Variants in MDGA2 observed in about 807,000 individuals in gnomAD.
MDGA2 encodes the protein MAM domain containing glycosylphosphatidylinositol anchor 2.
In MDGA2, 40 loss-of-function variants were observed where a neutral mutation model predicts 117.8. That is an observed-to-expected ratio of 0.34 (90% CI 0.26 to 0.44). MDGA2 has a LOEUF of 0.44. Ranked by LOEUF, MDGA2 falls within the 20% of genes least tolerant of loss-of-function variation. MDGA2 has a pLI of 1.00. For missense variants in MDGA2, 1,123 were observed against 1,250.6 expected, an observed-to-expected ratio of 0.90 and a Z score of 1.54; for synonymous variants, 452 against 439.0, an observed-to-expected ratio of 1.03 and a Z score of -0.37.
chr14:47,470,083 GT>G (rs201873208), intron 1 of MDGA2, among the ~76,000 whole-genome samples: 30 of 149,098 alleles, frequency 2.0e-4, no homozygotes, highest in African/African-American at 4.7e-4. Context: ...GTGGGATAGG[GT>G]TTTTTTTTCA....
chr14:47,059,528 A>G (rs554088486), intron 7 of MDGA2: 1 of 355,224 alleles, frequency 2.8e-6, no homozygotes, highest in South Asian at 2.2e-5. Context: ...CATATATAAC[A>G]CATAGTTTCA....
Position 46,852,008 on chromosome 14 carries a change from C to T in MDGA2, c.2883+3016G>A, listed in dbSNP as rs376607454. On this transcript the variant is annotated intron_variant, in intron 15 of 16. Transcript: ENST00000399232. The stretch of plus-strand genomic sequence containing the variant: ...CATGGGATTGTTTAGTTGTGTTTCA[C>T]GTTTCCTTGAACAATCAAGATTAAT... Among the ~76,000 whole-genome samples the T allele has an allele frequency of 1.3e-3, 195 of 151,668 alleles. 3 individuals are homozygous for T. Among genetic ancestry groups the T allele is most frequent in the African/African-American group, 4.5e-3 (187 of 41,454 alleles).
chr14:47,080,657 T>A (rs537287682), intron 6 of MDGA2, among the ~76,000 whole-genome samples: 4 of 152,300 alleles, frequency 2.6e-5, no homozygotes, highest in African/African-American at 9.6e-5. Flanking sequence ...CAGCATTAAG[T>A]ATAAATGCCC....
At chr14:46,934,414 T>C (rs1162660408) in intron 9 of MDGA2, among the ~76,000 whole-genome samples, 8 of 152,230 alleles carry the variant, frequency 5.3e-5, no homozygotes, top group African/African-American at 1.7e-4. Flanking sequence ...AAATATTAAC[T>C]TAGTTCAGTC....
At chr14:47,335,747 T>TATATATATATATACAA (rs1055245438) in intron 1 of MDGA2, among the ~76,000 whole-genome samples, 1 of 68,644 alleles carries the variant, frequency 1.5e-5, no homozygotes, top group Non-Finnish European at 3.4e-5. Context: ...TATATATATA[T>TATATATATATATACAA]ACATACATAC....
intron 1 of MDGA2, among the ~76,000 whole-genome samples, chr14:47,480,341 T>A (rs544273506): frequency 2.4e-4 from 36 of 152,148 alleles, no homozygotes; most frequent in African/African-American, 8.4e-4. Context: ...TATTTTAATA[T>A]GCCAAGGAAA....
chr14:47,348,165 A>ATG (rs1482857980), intron 1 of MDGA2, among the ~76,000 whole-genome samples: 1 of 45,712 alleles, frequency 2.2e-5, no homozygotes, highest in Non-Finnish European at 4.8e-5. Flanking sequence ...CTCTCTCTGT[A>ATG]TATGTGTGTG....
At chr14:47,285,329 T>C (rs1888635078) in intron 2 of MDGA2, among the ~76,000 whole-genome samples, 1 of 151,046 alleles carries the variant, frequency 6.6e-6, no homozygotes, top group Non-Finnish European at 1.5e-5. Context: ...TCTACTAAAT[T>C]GATTTTTTTT....
At chr14:47,322,171 C>T (rs1346355864) in intron 1 of MDGA2, among the ~76,000 whole-genome samples, 3 of 152,130 alleles carry the variant, frequency 2.0e-5, no homozygotes, top group African/African-American at 7.2e-5. Context: ...AGTGGAGAAA[C>T]AGACTAACAG....
intron 6 of MDGA2, among the ~76,000 whole-genome samples, chr14:47,068,241 C>A (rs949471388): frequency 2.3e-4 from 35 of 151,802 alleles, no homozygotes; most frequent in African/African-American, 8.5e-4. Context: ...AGCAGGTAAG[C>A]ATTTTGGGTA....
At chr14:47,376,419 A>G (rs1392389700) in intron 1 of MDGA2, among the ~76,000 whole-genome samples, 3 of 152,168 alleles carry the variant, frequency 2.0e-5, no homozygotes, top group Admixed American at 6.5e-5. Flanking sequence ...TAATCCAACT[A>G]TTATTGGTCA....
At chr14:47,555,161 A>C (rs570099864) in intron 1 of MDGA2, among the ~76,000 whole-genome samples, 1 of 152,316 alleles carries the variant, frequency 6.6e-6, no homozygotes, top group African/African-American at 2.4e-5. Context: ...TGGCTTTCTT[A>C]GTCAAGTTGA....
intron 1 of MDGA2, among the ~76,000 whole-genome samples, chr14:47,323,080 C>A (rs1193235721): frequency 6.9e-6 from 1 of 145,164 alleles, no homozygotes; most frequent in Non-Finnish European, 1.5e-5. Flanking sequence ...ATTTTAAAGA[C>A]TAACCACCCA....
chr14:47,115,197 G>A (rs1881260398), intron 5 of MDGA2, among the ~76,000 whole-genome samples: 1 of 152,002 alleles, frequency 6.6e-6, no homozygotes, highest in Non-Finnish European at 1.5e-5. Context: ...TTTAATTCCA[G>A]AAGTAATTTT....
At chr14:46,922,078 G>GT (rs796672372) in intron 9 of MDGA2, among the ~76,000 whole-genome samples, 183 of 151,730 alleles carry the variant, frequency 1.2e-3, no homozygotes, top group East Asian at 4.1e-3. Context: ...ACAACTAGGG[G>GT]TTTTTTTTAG....
intron 3 of MDGA2, among the ~76,000 whole-genome samples, chr14:47,181,087 T>C (rs1414370437): frequency 2.0e-5 from 3 of 152,178 alleles, no homozygotes; most frequent in African/African-American, 7.2e-5. Context: ...AAAATATTTA[T>C]TTTACTTTAA....
At chr14:47,048,871 C>T (rs1028633624) in intron 7 of MDGA2, among the ~76,000 whole-genome samples, 10 of 152,030 alleles carry the variant, frequency 6.6e-5, no homozygotes, top group African/African-American at 2.4e-4. Context: ...TTCTACAAAC[C>T]ATTCTGCTAG....
At chr14:47,009,757 T>C (rs1177785849) in intron 8 of MDGA2, among the ~76,000 whole-genome samples, 1 of 152,028 alleles carries the variant, frequency 6.6e-6, no homozygotes, top group Non-Finnish European at 1.5e-5. Flanking sequence ...TTTTAGTTTC[T>C]CAGGGAAAGA....
In MDGA2 at chr14:46,967,009, A is replaced by G. The variant is rs555632790; in HGVS notation, c.1820-9366T>C. On this transcript the variant is annotated intron_variant, in intron 8 of 16. Coordinates refer to ENST00000399232, the MANE Select transcript of MDGA2 (RefSeq NM_001113498.3). The stretch of plus-strand genomic sequence containing the variant: ...TTCTTGAAAAAAAATGACAGTTTCA[A>G]TGAGTACCAGAACTGTAAGCAAAGC... Among the ~76,000 whole-genome samples, 3 of 152,354 alleles carry G rather than the reference A, an allele frequency of 2.0e-5. No homozygotes were observed. In the South Asian group the frequency reaches 6.2e-4, roughly 32 times the overall value.
Sources: gnomAD v4.1 joint callset for allele counts (sites outside exome capture counted in the v4.1 genomes callset) on GRCh38, gnomAD v4.1.1 for gene constraint, MANE v1.5 for transcripts, NCBI Gene and HGNC (gene_info 2026-07-23, HGNC 2026-07-21) for gene names.